CNTNAP4: variants seen among roughly 807,000 people sequenced by gnomAD.
CNTNAP4 encodes the protein contactin-associated protein-like 4.
In CNTNAP4, 98 loss-of-function variants were observed where a neutral mutation model predicts 148.4. The observed-to-expected ratio is 0.66, with a 90% CI of 0.56 to 0.78. The LOEUF is 0.78. Among genes scored for constraint, CNTNAP4 ranks in the 30% least tolerant of loss-of-function variants. The pLI, the probability that CNTNAP4 is intolerant of heterozygous loss-of-function variation, is 0.00. For missense variants in CNTNAP4, 1,935 were observed against 1,565.6 expected (o/e 1.24, Z -3.98); for synonymous variants, 730 against 565.1 (o/e 1.29, Z -4.14).
At chr16:76,405,262 G>A (rs1245063754) in intron 3 of CNTNAP4, among the ~76,000 whole-genome samples, 2 of 152,082 alleles carry the variant, frequency 1.3e-5, no homozygotes, top group African/African-American at 2.4e-5. Flanking sequence ...AAAACCATGC[G>A]AGTATTGTAA....
intron 1 of CNTNAP4, among the ~76,000 whole-genome samples, chr16:76,308,813 A>G (rs1236098793): frequency 6.6e-6 from 1 of 151,938 alleles, no homozygotes; most frequent in East Asian, 1.9e-4. Flanking sequence ...TAAGCCATAG[A>G]ATTTTATTTT....
rs1478421339 is a variant in CNTNAP4, at chr16:76,355,392, G to T, written c.271G>T (p.Val91Phe). The change falls in exon 3 of 24, where the codon GTC becomes TTC. Residue 91 changes from valine to phenylalanine, a missense_variant. Physicochemically the swap from Val to Phe is conservative, Grantham distance 50 (BLOSUM62 -1). Transcript: ENST00000611870. ...LQIDLGERME[V>F]TAVATQGGYG... The stretch of plus-strand genomic sequence containing the variant: ...GATTGACCTTGGAGAGAGAATGGAG[G>T]TCACCGCTGTGGCCACTCAAGGGGG... 1 of 1,610,232 alleles carries T rather than the reference G, an allele frequency of 6.2e-7. No homozygotes were observed. Among genetic ancestry groups the T allele is most frequent in the Non-Finnish European group, 8.5e-7 (1 of 1,177,934 alleles).
intron 12 of CNTNAP4, among the ~76,000 whole-genome samples, chr16:76,480,174 A>G (rs1247625697): frequency 6.6e-6 from 1 of 152,180 alleles, no homozygotes; most frequent in Non-Finnish European, 1.5e-5. Flanking sequence ...GGGGAAAAAA[A>G]AGACCAAGAT....
At chr16:76,330,435 G>A (rs560480003) in intron 2 of CNTNAP4, among the ~76,000 whole-genome samples, 7 of 152,238 alleles carry the variant, frequency 4.6e-5, no homozygotes, top group South Asian at 4.1e-4. Flanking sequence ...AAGCATCATT[G>A]TGGCCTTGTT....
intron 15 of CNTNAP4, among the ~76,000 whole-genome samples, chr16:76,518,565 T>A (rs1244947172): frequency 1.3e-5 from 2 of 152,200 alleles, no homozygotes; most frequent in Non-Finnish European, 2.9e-5. Context: ...TGCATATTTA[T>A]GGGGTACGTG....
intron 1 of CNTNAP4, among the ~76,000 whole-genome samples, chr16:76,292,648 G>A (rs1959160602): frequency 6.6e-6 from 1 of 151,952 alleles, no homozygotes; most frequent in Non-Finnish European, 1.5e-5. Context: ...TTCCTCTCTT[G>A]GTACTGATTT....
intron 1 of CNTNAP4, among the ~76,000 whole-genome samples, chr16:76,307,309 C>T (rs1404316715): frequency 5.3e-5 from 8 of 151,318 alleles, no homozygotes; most frequent in Non-Finnish European, 8.8e-5. Flanking sequence ...ATCAAAGCAA[C>T]GATATAAATA....
chr16:76,322,074 A>G (rs180791867), intron 2 of CNTNAP4, among the ~76,000 whole-genome samples: 1 of 152,280 alleles, frequency 6.6e-6, no homozygotes, highest in Non-Finnish European at 1.5e-5. Context: ...AAAACAGAAC[A>G]TGCCAGCAAT....
chr16:76,463,080 G>T (rs2081043805), intron 9 of CNTNAP4, among the ~76,000 whole-genome samples: 1 of 152,006 alleles, frequency 6.6e-6, no homozygotes, highest in African/African-American at 2.4e-5. Flanking sequence ...GGCTGCTTAG[G>T]GCCAACAATC....
intron 8 of CNTNAP4, among the ~76,000 whole-genome samples, chr16:76,458,283 A>C (rs2143348133): frequency 6.6e-6 from 1 of 152,224 alleles, no homozygotes; most frequent in East Asian, 1.9e-4. Context: ...TTTTTTGGTC[A>C]GTGGTCCTCA....
rs1302040252 is a variant in CNTNAP4 at position 76,437,108 on chromosome 16, C to G, written c.538+9509C>G. ...GTTTCAAAGCTGAAGAACTTGGAGT[C>G]TGATGTTTGAGGGCAGGAAGCATCC... is the stretch of plus-strand genomic sequence containing the variant. On this transcript the variant is annotated intron_variant, in intron 4 of 23. Transcript: ENST00000611870. Among the ~76,000 whole-genome samples, 6 of 151,996 alleles carry G rather than the reference C, an allele frequency of 3.9e-5. No individual in the cohort carries two copies. The East Asian group carries it at 1.2e-3, about 29-fold the overall frequency.
In CNTNAP4 at chr16:76,538,058, AAAAC is replaced by A. The variant is rs367831205; in HGVS notation, c.2996-54_2996-51del. 1,200 of 788,876 alleles carry A rather than the reference AAAAC, an allele frequency of 1.5e-3. 12 individuals carry two copies. In the African/African-American group the frequency reaches 0.019, roughly 13 times the overall value. The allele number at this position is 788,876 out of a possible 1,614,324, so 48.9% of individuals were successfully genotyped here. ...AAACTAAAATATAATTATTGTAACT[AAAAC>A]AAAATCCTTGTACTTAAAATTTTTA... On this transcript the variant is annotated intron_variant, in intron 18 of 23. Coordinates refer to ENST00000611870, the MANE Select transcript of CNTNAP4 (RefSeq NM_033401.5).
chr16:76,409,743 C>T (rs1446321721), intron 3 of CNTNAP4, among the ~76,000 whole-genome samples: 2 of 151,910 alleles, frequency 1.3e-5, no homozygotes. Flanking sequence ...ATGGAATTGT[C>T]ACTTTGATCA....
At chr16:76,431,034 T>G (rs1233357038) in intron 4 of CNTNAP4, among the ~76,000 whole-genome samples, 1 of 152,120 alleles carries the variant, frequency 6.6e-6, no homozygotes, top group East Asian at 1.9e-4. Context: ...GTTAGAAAAA[T>G]TATATGAACT....
At chr16:76,376,368 A>C (rs918838528) in intron 3 of CNTNAP4, among the ~76,000 whole-genome samples, 1 of 152,210 alleles carries the variant, frequency 6.6e-6, no homozygotes, top group African/African-American at 2.4e-5. Context: ...ACTGCCTAAC[A>C]TAAAGGCCAT....
In CNTNAP4 at chr16:76,452,640, A is replaced by C. The variant is rs759170338; in HGVS notation, c.1204A>C (p.Asn402His). ...TGCCACTTTTCAATTTCGAACTTGG[A>C]ATAAGGCAGGGCTTCTGCTGTTCAG... Reference protein sequence around the residue: ...VSATFQFRTWNKAGLLLFSEL... With the variant: ...VSATFQFRTWHKAGLLLFSEL... The change falls in exon 8 of 24, where the codon AAT (asparagine) becomes CAT (histidine). Residue 402 changes from asparagine to histidine, a missense_variant. Physicochemically the swap from Asn to His is moderately conservative, Grantham distance 68. Transcript: ENST00000611870. The C allele has an allele frequency of 1.9e-6, 3 of 1,613,946 alleles. No individual in the cohort carries two copies. In the African/African-American group the frequency reaches 4.0e-5, roughly 22 times the overall value.
intron 2 of CNTNAP4, among the ~76,000 whole-genome samples, chr16:76,354,682 T>G (rs1361142677): frequency 6.6e-6 from 1 of 152,236 alleles, no homozygotes; most frequent in Non-Finnish European, 1.5e-5. Context: ...CACAAACTGT[T>G]GGGAACAAGC....
At chr16:76,467,956 G>A (rs1257551713) in intron 10 of CNTNAP4, among the ~76,000 whole-genome samples, 3 of 152,082 alleles carry the variant, frequency 2.0e-5, no homozygotes, top group Admixed American at 6.6e-5. Flanking sequence ...ATTTTCCAAG[G>A]CAGGGGAATT....
At chr16:76,373,369 C>G (rs912943634) in intron 3 of CNTNAP4, among the ~76,000 whole-genome samples, 1 of 151,646 alleles carries the variant, frequency 6.6e-6, no homozygotes, top group African/African-American at 2.4e-5. Context: ...TCATAAAAAC[C>G]AGGACTTGAA....
Sources: gnomAD v4.1 joint callset for allele counts (sites outside exome capture counted in the v4.1 genomes callset) on GRCh38, gnomAD v4.1.1 for gene constraint, MANE v1.5 for transcripts, NCBI Gene and HGNC (gene_info 2026-07-23, HGNC 2026-07-21) for gene names.